PSME4: variants seen among roughly 807,000 people sequenced by gnomAD.
PSME4 encodes proteasome activator complex subunit 4.
In PSME4, 89 loss-of-function variants were observed where a neutral mutation model predicts 253.9. The ratio of observed to expected loss-of-function variants is 0.35; its 90% CI spans 0.30 to 0.42. The LOEUF (loss-of-function observed/expected upper bound fraction) is 0.42, where lower values mean the gene tolerates loss of function less well. Among genes scored for constraint, PSME4 ranks in the 10% least tolerant of loss-of-function variants. The probability of loss-of-function intolerance (pLI) is 1.00; values close to 1 mark genes in which losing one functional copy is unlikely to be tolerated. For missense variants in PSME4, 2,014 were observed against 2,195.2 expected, an observed-to-expected ratio of 0.92 and a Z score of 1.65; for synonymous variants, 851 against 759.2, an observed-to-expected ratio of 1.12 and a Z score of -1.99.
At position 53,868,530 on chromosome 2, in the gene PSME4, T is replaced by C. The variant is rs28544593; in HGVS notation, c.5263+846A>G. Among the ~76,000 whole-genome samples the C allele has an allele frequency of 9.6e-5, 5 of 52,284 alleles. No individual in the cohort carries two copies. In the South Asian group the frequency reaches 5.0e-3, roughly 52 times the overall value. The allele number at this position is 52,284 out of a possible 152,430, so 34.3% of individuals were successfully genotyped here. A position where few individuals can be genotyped will look rare whatever the true frequency, so the allele number is the denominator to read the frequency against. Reference sequence around the variant, plus strand: ...TTATAAAATATATTTATAATATATATAATATATATTATAAATATATTTATA... The same window carrying C: ...TTATAAAATATATTTATAATATATACAATATATATTATAAATATATTTATA... On this transcript the variant is annotated intron_variant, in intron 44 of 46. Coordinates refer to ENST00000404125, the MANE Select transcript of PSME4 (RefSeq NM_014614.3).
At chr2:53,922,032 C>T (rs988762092) in intron 17 of PSME4, among the ~76,000 whole-genome samples, 41 of 150,652 alleles carry the variant, frequency 2.7e-4, no homozygotes, top group Non-Finnish European at 5.3e-4. Flanking sequence ...ATTAGCCGGG[C>T]GTGGTGGCGG....
At chr2:53,928,022 T>G (rs1032622953) in intron 11 of PSME4, 95 bp downstream of exon 11, 2 of 799,462 alleles carry the variant, frequency 2.5e-6, no homozygotes, top group East Asian at 5.2e-5. Flanking sequence ...ATATTTATAT[T>G]AGGCTTATGC....
intron 44 of PSME4, among the ~76,000 whole-genome samples, chr2:53,867,473 T>C (rs1051484792): frequency 6.8e-5 from 9 of 132,008 alleles, no homozygotes; most frequent in Admixed American, 5.3e-4. Flanking sequence ...TACTCCAGCC[T>C]GGGATACAGA....
At chr2:53,913,861 G>T (rs1172455030) in intron 20 of PSME4, among the ~76,000 whole-genome samples, 1 of 152,090 alleles carries the variant, frequency 6.6e-6, no homozygotes, top group Non-Finnish European at 1.5e-5. Flanking sequence ...GAGAAAACAG[G>T]GTTACTCACC....
chr2:53,902,787 T>C (rs946694220), intron 27 of PSME4, among the ~76,000 whole-genome samples: 3 of 152,162 alleles, frequency 2.0e-5, no homozygotes, highest in African/African-American at 7.2e-5. Context: ...CCATACATAA[T>C]ATATAAATGA....
chr2:53,937,692 T>A (rs1211057635), intron 4 of PSME4, 152 bp from the exon 5 acceptor site: 2 of 708,050 alleles, frequency 2.8e-6, no homozygotes, highest in Non-Finnish European at 2.3e-6. Context: ...ACACACATTT[T>A]CACAATACTA....
chr2:53,911,258 A>G (rs1667815507), intron 20 of PSME4, among the ~76,000 whole-genome samples: 1 of 152,198 alleles, frequency 6.6e-6, no homozygotes, highest in Non-Finnish European at 1.5e-5. Flanking sequence ...AGTATAAACA[A>G]AGAATGGCTT....
chr2:53,899,541 G>A (rs1208785009), intron 29 of PSME4, among the ~76,000 whole-genome samples: 4 of 151,992 alleles, frequency 2.6e-5, no homozygotes, highest in Non-Finnish European at 4.4e-5. Context: ...CTATCGGCCA[G>A]GCGCAGTGGC....
chr2:53,877,564 C>T (rs1679194691), intron 41 of PSME4, among the ~76,000 whole-genome samples: 1 of 152,164 alleles, frequency 6.6e-6, no homozygotes, highest in Non-Finnish European at 1.5e-5. Context: ...TATTCAGCGA[C>T]ATCAGGGGTA....
At chr2:53,903,929 A>G (rs1316120270) in intron 27 of PSME4, 96 bp downstream of exon 27, 2 of 959,452 alleles carry the variant, frequency 2.1e-6, no homozygotes, top group Admixed American at 5.3e-5. Context: ...ACAGAATCTC[A>G]GTGGTGAAGA....
At chr2:53,924,470 G>A (rs1385876004) in intron 14 of PSME4, among the ~76,000 whole-genome samples, 2 of 152,110 alleles carry the variant, frequency 1.3e-5, no homozygotes, top group East Asian at 3.9e-4. Context: ...TTGAATTAGT[G>A]AATGCTTACT....
chr2:53,865,844 C>T (rs1049590321), intron 46 of PSME4: 3 of 462,602 alleles, frequency 6.5e-6, no homozygotes, highest in African/African-American at 2.0e-5. Context: ...TGACACCACT[C>T]ATCTACAAAG....
At position 53,933,480 on chromosome 2, in the gene PSME4, A is replaced by G. The variant is rs778931401; in HGVS notation, c.958-720T>C. 3.3e-5 allele frequency among the ~76,000 whole-genome samples: 5 copies of G among 151,100 alleles called. 1 individual carries two copies. Among genetic ancestry groups the G allele is most frequent in the South Asian group, 2.1e-4 (1 of 4,794 alleles). On this transcript the variant is annotated intron_variant, in intron 8 of 46. Coordinates refer to ENST00000404125, the MANE Select transcript of PSME4 (RefSeq NM_014614.3). ...CTGCAGCCTCAATCTCCTAGGCTCA[A>G]GCGATCCTCCCACCTCAGCCTGCTG...
At chr2:53,929,282 C>T (rs978320541) in intron 10 of PSME4, among the ~76,000 whole-genome samples, 1 of 152,216 alleles carries the variant, frequency 6.6e-6, no homozygotes, top group Middle Eastern at 3.4e-3. Flanking sequence ...ATACTCTACT[C>T]TTTCTTTCCC....
Position 53,909,708 on chromosome 2 carries a change from C to T in PSME4, c.2572+367G>A, listed in dbSNP as rs184915292. On this transcript the variant is annotated intron_variant, in intron 21 of 46. Transcript: ENST00000404125. Reference sequence around the variant, plus strand: ...GGCAGGGTGGCTCACGGTTGTAATCCCCCAGCACTCTGGGAAGCGGAGGTG... The same window carrying T: ...GGCAGGGTGGCTCACGGTTGTAATCTCCCAGCACTCTGGGAAGCGGAGGTG... Among the ~76,000 whole-genome samples the T allele has an allele frequency of 1.1e-3, 163 of 152,138 alleles. 1 individual carries two copies. Among genetic ancestry groups the T allele is most frequent in the African/African-American group, 3.6e-3 (148 of 41,510 alleles).
chr2:53,940,986 TA>T (rs1558414136), intron 3 of PSME4, among the ~76,000 whole-genome samples: 2 of 75,930 alleles, frequency 2.6e-5, no homozygotes, highest in Non-Finnish European at 6.2e-5. Context: ...TATATATATA[TA>T]TATATATATA....
At chr2:53,940,955 A>ATT (rs1553338430) in intron 3 of PSME4, among the ~76,000 whole-genome samples, 3,297 of 34,214 alleles carry the variant, frequency 0.096, 507 homozygotes, top group South Asian at 0.17. Context: ...ATATATACAT[A>ATT]TATATATATA....
intron 8 of PSME4, among the ~76,000 whole-genome samples, chr2:53,933,403 A>AAAAAAAAAAAAAG (rs1558697904): frequency 7.2e-6 from 1 of 139,064 alleles, no homozygotes; most frequent in African/African-American, 2.6e-5. Flanking sequence ...AAAAAAAAAA[A>AAAAAAAAAAAAAG]GCGTTTCCCT....
chr2:53,888,460 GATAAA>G, intron 38 of PSME4: 1 of 357,418 alleles, frequency 2.8e-6, no homozygotes. Flanking sequence ...AGACAATTCT[GATAAA>G]ATATTTGACA....
Sources: allele counts gnomAD v4.1 joint callset (sites outside exome capture counted in the v4.1 genomes callset), GRCh38; gene constraint gnomAD v4.1.1; transcripts MANE v1.5; gene names NCBI Gene and HGNC (gene_info 2026-07-23, HGNC 2026-07-21).